MAP2: variants seen among roughly 807,000 people sequenced by gnomAD.
The protein encoded by MAP2 is microtubule-associated protein 2.
A neutral mutation model predicts 137.6 loss-of-function variants in MAP2; 14 were observed. That is an observed-to-expected ratio of 0.10 (90% confidence interval 0.07 to 0.16). The LOEUF is 0.16. MAP2 is among the 10% of genes least tolerant of loss of function. MAP2 has a pLI of 1.00. For missense variants in MAP2, 2,088 were observed against 2,191.5 expected (o/e 0.95, Z 0.94); for synonymous variants, 786 against 782.3 (o/e 1.00, Z -0.08).
chr2:209,610,223 G>C (rs527594704), intron 3 of MAP2, among the ~76,000 whole-genome samples: 3 of 152,034 alleles, frequency 2.0e-5, no homozygotes, highest in Non-Finnish European at 4.4e-5. Flanking sequence ...AAAGGCCCTG[G>C]CTATAGGAGC....
At chr2:209,491,156 A>G (rs1212462143) in intron 1 of MAP2, among the ~76,000 whole-genome samples, 2 of 152,188 alleles carry the variant, frequency 1.3e-5, no homozygotes, top group South Asian at 2.1e-4. Context: ...TCAAAACTGC[A>G]TAACTACAGG....
intron 7 of MAP2, among the ~76,000 whole-genome samples, chr2:209,685,289 T>G (rs2056587488): frequency 6.6e-6 from 1 of 152,192 alleles, no homozygotes; most frequent in African/African-American, 2.4e-5. Context: ...AAAAAAAATC[T>G]TACAAATAAA....
intron 1 of MAP2, among the ~76,000 whole-genome samples, chr2:209,499,455 C>T (rs543448441): frequency 2.6e-5 from 4 of 152,254 alleles, no homozygotes; most frequent in African/African-American, 9.6e-5. Context: ...CTGAGCCATC[C>T]AGACTCTTCC....
chr2:209,462,237 TAGATGGC>T (rs1295534675), intron 1 of MAP2, among the ~76,000 whole-genome samples: 1 of 152,114 alleles, frequency 6.6e-6, no homozygotes, highest in Non-Finnish European at 1.5e-5. Flanking sequence ...AGAAATAAAA[TAGATGGC>T]AGATGGTTGG....
intron 4 of MAP2, among the ~76,000 whole-genome samples, chr2:209,651,945 G>A (rs1258982192): frequency 3.3e-5 from 5 of 152,154 alleles, no homozygotes; most frequent in African/African-American, 1.2e-4. Flanking sequence ...AAGTGTATTT[G>A]TCTTAATATA....
At position 209,730,212 on chromosome 2, in the gene MAP2, C is replaced by T; in HGVS notation, c.5299C>T (p.His1767Tyr). ...CAGCCAAAAGTTGAACTTCAGAGAG[C>T]ATGCTAAAGCCCGTGTGGACCATGG... Reference protein sequence around the residue: ...IDSQKLNFREHAKARVDHGAE... With the variant: ...IDSQKLNFREYAKARVDHGAE... The change falls in exon 16 of 16, where the codon CAT becomes TAT. Residue 1767 changes from histidine to tyrosine, a missense_variant. His to Tyr is a moderately conservative substitution (Grantham distance 83, BLOSUM62 2). This residue lies in a region of MAP2 where 112 missense variants were observed against 201.0 expected (regional missense o/e 0.56). Transcript: ENST00000682079. The T allele has an allele frequency of 6.2e-7, 1 of 1,613,998 alleles. No individual in the cohort carries two copies.
At chr2:209,631,857 G>T (rs1288239360) in intron 4 of MAP2, among the ~76,000 whole-genome samples, 2 of 152,140 alleles carry the variant, frequency 1.3e-5, no homozygotes, top group African/African-American at 4.8e-5. Flanking sequence ...TGCAACATGT[G>T]TTAAAAGAAA....
rs2059604646 is a variant in MAP2 at position 209,694,064 on chromosome 2, G to C, written c.1894G>C (p.Ala632Pro). Residue 632 changes from alanine to proline, a missense_variant, in exon 8 of 16, where the codon GCA becomes CCA. Physicochemically the swap from Ala to Pro is conservative, Grantham distance 27. This residue lies in a region of MAP2 where 859 missense variants were observed against 794.5 expected (regional missense o/e 1.08). Coordinates refer to ENST00000682079, the MANE Select transcript of MAP2 (RefSeq NM_001375505.1). ...TGKESQPSPP[A>P]QEAGYSTLAQ... is the part of the protein sequence containing the mutation. ...AAAAGAATCCCAGCCCAGTCCTCCAGCACAAGAAGCAGGGTACAGCACTCT... is the reference window on the plus strand; with the variant it reads ...AAAAGAATCCCAGCCCAGTCCTCCACCACAAGAAGCAGGGTACAGCACTCT... 6.2e-7 allele frequency: 1 copy of C among 1,613,076 alleles called. No individual in the cohort carries two copies. Among genetic ancestry groups the C allele is most frequent in the Non-Finnish European group, 8.5e-7 (1 of 1,179,712 alleles).
chr2:209,434,897 T>G (rs201920466), intron 1 of MAP2, among the ~76,000 whole-genome samples: 1 of 135,490 alleles, frequency 7.4e-6, no homozygotes, highest in East Asian at 2.0e-4. Flanking sequence ...ATATATATGT[T>G]ATATATATAT....
intron 2 of MAP2, among the ~76,000 whole-genome samples, chr2:209,573,298 G>GTTTTTTTTTTTTTT (rs71043941): frequency 1.7e-5 from 2 of 120,070 alleles, no homozygotes; most frequent in African/African-American, 3.3e-5. Flanking sequence ...TTCTTTTTCT[G>GTTTTTTTTTTTTTT]TTTTTTTTTT....
chr2:209,568,965 C>A (rs16843129), intron 2 of MAP2, among the ~76,000 whole-genome samples: 3 of 151,800 alleles, frequency 2.0e-5, no homozygotes, highest in Admixed American at 2.0e-4. Context: ...ACAGTGAATA[C>A]GGTTTGTCTT....
intron 13 of MAP2, among the ~76,000 whole-genome samples, chr2:209,719,711 C>T (rs2069394740): frequency 6.6e-6 from 1 of 151,992 alleles, no homozygotes; most frequent in African/African-American, 2.4e-5. Flanking sequence ...AAGGAATATC[C>T]AGAAAGAAAT....
At chr2:209,499,890 C>T (rs2150101581) in intron 1 of MAP2, among the ~76,000 whole-genome samples, 1 of 152,272 alleles carries the variant, frequency 6.6e-6, no homozygotes, top group Non-Finnish European at 1.5e-5. Flanking sequence ...AGCTCTGCCC[C>T]CATTATCCAG....
At chr2:209,489,016 GAC>G (rs1032082319) in intron 1 of MAP2, among the ~76,000 whole-genome samples, 30 of 152,182 alleles carry the variant, frequency 2.0e-4, no homozygotes, top group Non-Finnish European at 1.2e-4. Context: ...AGCAGGGGAC[GAC>G]ACACACCTCA....
intron 13 of MAP2, among the ~76,000 whole-genome samples, chr2:209,715,674 A>G (rs1259131536): frequency 6.6e-6 from 1 of 152,190 alleles, no homozygotes; most frequent in Non-Finnish European, 1.5e-5. Context: ...CCAAGGAAGT[A>G]AAGAAGTAAG....
At chr2:209,665,702 T>A (rs560231437) in intron 5 of MAP2, among the ~76,000 whole-genome samples, 1 of 152,296 alleles carries the variant, frequency 6.6e-6, no homozygotes, top group South Asian at 2.1e-4. Context: ...TATTTGCAAA[T>A]GAGTTCTTAG....
chr2:209,693,704 A>G lies in MAP2; in HGVS notation c.1534A>G (p.Met512Val). 1.2e-6 allele frequency: 2 copies of G among 1,613,576 alleles called. No individual in the cohort carries two copies. Among genetic ancestry groups the G allele is most frequent in the Non-Finnish European group, 1.7e-6 (2 of 1,179,908 alleles). The change falls in exon 8 of 16, where the codon ATG becomes GTG. Residue 512 changes from methionine to valine, a missense_variant. By Grantham distance (21) the Met-to-Val change is conservative (BLOSUM62 1). Coordinates refer to ENST00000682079, the MANE Select transcript of MAP2 (RefSeq NM_001375505.1). ...GGAGCAAGCAGTTACAGATTCAGCC[A>G]TGACCTCTAAAACACTGGAGAAAGC... is the stretch of plus-strand genomic sequence containing the variant. Reference protein sequence around the residue: ...SLEQAVTDSAMTSKTLEKAMT... With the variant: ...SLEQAVTDSAVTSKTLEKAMT...
intron 2 of MAP2, among the ~76,000 whole-genome samples, chr2:209,515,818 A>C (rs1173419909): frequency 6.6e-6 from 1 of 152,126 alleles, no homozygotes; most frequent in African/African-American, 2.4e-5. Flanking sequence ...ACAGAGTCTT[A>C]TTCTGTCACC....
At chr2:209,715,976 T>C (rs2067429753) in intron 13 of MAP2, among the ~76,000 whole-genome samples, 1 of 152,208 alleles carries the variant, frequency 6.6e-6, no homozygotes, top group Non-Finnish European at 1.5e-5. Flanking sequence ...TTTTGTGCCC[T>C]GAATAGCTCT....
Sources: allele counts gnomAD v4.1 joint callset (sites outside exome capture counted in the v4.1 genomes callset), GRCh38; gene constraint gnomAD v4.1.1; regional missense constraint gnomAD v4.1.1; transcripts MANE v1.5; gene names NCBI Gene and HGNC (gene_info 2026-07-23, HGNC 2026-07-21).